The following NTF3 variants were observed in gnomAD, a reference collection of about 807,000 sequenced individuals.
NTF3 encodes neurotrophin-3.
Under a neutral mutation model 26.3 loss-of-function variants are expected in NTF3, and 8 were observed. That is an observed-to-expected ratio of 0.30 (90% CI 0.18 to 0.55). The LOEUF (loss-of-function observed/expected upper bound fraction) is 0.55, where lower values mean the gene tolerates loss of function less well. Ranked by LOEUF, NTF3 falls within the 20% of genes least tolerant of loss-of-function variation. The pLI is 0.93. For missense variants in NTF3, 276 were observed against 352.9 expected (o/e 0.78, Z 1.75); for synonymous variants, 154 against 145.5 (o/e 1.06, Z -0.42).
chr12:5,484,831 C>T (rs1940848891), intron 1 of NTF3, among the ~76,000 whole-genome samples: 2 of 152,170 alleles, frequency 1.3e-5, no homozygotes, highest in Admixed American at 6.5e-5. Flanking sequence ...AAACACTGCT[C>T]AGGAACTGAG....
chr12:5,472,656 TTTCAA>T (rs1940679451), intron 1 of NTF3, among the ~76,000 whole-genome samples: 1 of 152,078 alleles, frequency 6.6e-6, no homozygotes, highest in African/African-American at 2.4e-5. Flanking sequence ...CAAGGAGGGT[TTTCAA>T]GGCTGGCTTG....
At chr12:5,483,376 C>A (rs572107374) in intron 1 of NTF3, among the ~76,000 whole-genome samples, 20 of 152,328 alleles carry the variant, frequency 1.3e-4, no homozygotes, top group African/African-American at 4.8e-4. Context: ...CTCCCGTGTT[C>A]TTCAGGGTTC....
Position 5,456,504 on chromosome 12 carries a change from A to G in NTF3, c.18+24162A>G, listed in dbSNP as rs1940451056. ...GGGGCCAACGGCACCTAACCACCTC[A>G]GGCACGGTGGACCTGGCTCCTCAGA... is the stretch of plus-strand genomic sequence containing the variant. On this transcript the variant is annotated intron_variant, in intron 1 of 1. Coordinates refer to ENST00000423158, the MANE Select transcript of NTF3 (RefSeq NM_001102654.2). This position sits in a 1 kb window ranked among gnomAD's most constrained non-coding sequence, Gnocchi z 4.4. Among the ~76,000 whole-genome samples the G allele has an allele frequency of 6.6e-6, 1 of 152,022 alleles. No individual in the cohort carries two copies. Among genetic ancestry groups the G allele is most frequent in the Non-Finnish European group, 1.5e-5 (1 of 67,988 alleles).
Position 5,495,128 on chromosome 12 carries a change from T to C in NTF3, c.*140T>C, listed in dbSNP as rs767959581. 1.1e-5 allele frequency: 10 copies of C among 918,954 alleles called. No homozygotes were observed. The highest frequency in any genetic ancestry group is 1.7e-5 in the African/African-American group (1 of 59,620). The allele number at this position is 918,954 out of a possible 1,614,324, so 56.9% of individuals were successfully genotyped here. ...TCAGCAACCCTACAGTATATAAGCT[T>C]TTTTCTCAATAAAATCAGTGTGCTT... On this transcript the variant is annotated 3_prime_UTR_variant, in exon 2 of 2. Coordinates refer to ENST00000423158, the MANE Select transcript of NTF3 (RefSeq NM_001102654.2).
At chr12:5,457,711 T>C (rs537657790) in intron 1 of NTF3, among the ~76,000 whole-genome samples, 2 of 152,198 alleles carry the variant, frequency 1.3e-5, no homozygotes, top group African/African-American at 2.4e-5. Flanking sequence ...CTAAACTCAG[T>C]GTATGCTAAG....
At chr12:5,439,480 G>C (rs1940211622) in intron 1 of NTF3, among the ~76,000 whole-genome samples, 2 of 152,176 alleles carry the variant, frequency 1.3e-5, no homozygotes, top group African/African-American at 4.8e-5. Context: ...TCACCCCATA[G>C]GGTAACCTGC....
intron 1 of NTF3, among the ~76,000 whole-genome samples, chr12:5,488,028 C>T (rs1324618270): frequency 2.0e-5 from 3 of 152,292 alleles, no homozygotes; most frequent in Middle Eastern, 3.4e-3. Context: ...GTTGCCACTA[C>T]CCGAGAGGTG....
chr12:5,434,472 A>AGTGTGTGTGTGTGTGT (rs59874216), intron 1 of NTF3, among the ~76,000 whole-genome samples: 87 of 142,784 alleles, frequency 6.1e-4, no homozygotes, highest in African/African-American at 1.8e-3. Flanking sequence ...GTTTTTCCAA[A>AGTGTGTGTGTGTGTGT]GTGTGTGTGT....
At chr12:5,431,420 A>G (rs1025337227), upstream of NTF3, among the ~76,000 whole-genome samples, 2 of 151,648 alleles carry the variant, frequency 1.3e-5, no homozygotes, top group Non-Finnish European at 2.9e-5. Flanking sequence ...AGTCCCTCGG[A>G]CCACCCGCCC....
rs537464862 is a variant in NTF3 at position 5,452,464 on chromosome 12, C to T, written c.18+20122C>T. ...GCATAATATTCCATCACATACCACT[C>T]TTTAACCATTTTGCTTCTGGGGCAC... On this transcript the variant is annotated intron_variant, in intron 1 of 1. Coordinates refer to ENST00000423158, the MANE Select transcript of NTF3 (RefSeq NM_001102654.2). 7.9e-5 allele frequency among the ~76,000 whole-genome samples: 12 copies of T among 152,322 alleles called. No individual in the cohort carries two copies. The South Asian group carries it at 2.1e-3, about 26-fold the overall frequency.
intron 1 of NTF3, among the ~76,000 whole-genome samples, chr12:5,440,882 C>T (rs1940228368): frequency 6.6e-6 from 1 of 152,204 alleles, no homozygotes; most frequent in Non-Finnish European, 1.5e-5. Flanking sequence ...AGAGGACTTA[C>T]ATAGAGTGAT....
intron 1 of NTF3, among the ~76,000 whole-genome samples, chr12:5,464,800 G>A (rs1940568477): frequency 6.6e-6 from 1 of 152,174 alleles, no homozygotes; most frequent in Non-Finnish European, 1.5e-5. Context: ...TGAATTTATT[G>A]AGTATCCTAT....
chr12:5,457,420 C>T (rs981958704), intron 1 of NTF3, among the ~76,000 whole-genome samples: 1 of 152,208 alleles, frequency 6.6e-6, no homozygotes, highest in African/African-American at 2.4e-5. Flanking sequence ...TTGCCTGGCC[C>T]TTCCATGATG....
Position 5,432,165 on chromosome 12 carries a change from A to G in NTF3, c.-160A>G. The G allele has an allele frequency of 1.2e-6, 1 of 811,416 alleles. No homozygotes were observed. The highest frequency in any genetic ancestry group is 2.1e-6 in the Non-Finnish European group (1 of 482,652). The allele number at this position is 811,416 out of a possible 1,614,324, so 50.3% of individuals were successfully genotyped here. A position where few individuals can be genotyped will look rare whatever the true frequency, so the allele number is the denominator to read the frequency against. Reference sequence around the variant, plus strand: ...AGCTCCGCGCACCGCCCCGCGACGCAGCCCGGCGCAACTACTTTCTTCTCT... The same window carrying G: ...AGCTCCGCGCACCGCCCCGCGACGCGGCCCGGCGCAACTACTTTCTTCTCT... On this transcript the variant is annotated 5_prime_UTR_variant, in exon 1 of 2. Transcript: ENST00000423158.
chr12:5,451,191 A>G (rs768373917), intron 1 of NTF3, among the ~76,000 whole-genome samples: 1 of 152,210 alleles, frequency 6.6e-6, no homozygotes, highest in East Asian at 1.9e-4. Flanking sequence ...GAACTACCTT[A>G]TGGGATTGTA....
rs540060797 is a variant in NTF3 at position 5,490,869 on chromosome 12, A to C, written c.19-3325A>C. 1.4e-4 allele frequency among the ~76,000 whole-genome samples: 22 copies of C among 152,314 alleles called. No individual in the cohort carries two copies. The South Asian group carries it at 4.6e-3, about 32-fold the overall frequency. ...AAAGATTGCTGTGAGCCAGATGTAG[A>C]GGAGGGAGCTCTCCAGACTCTGGGT... On this transcript the variant is annotated intron_variant, in intron 1 of 1. Transcript: ENST00000423158.
chr12:5,492,004 G>A lies in NTF3; in HGVS notation c.19-2190G>A, dbSNP rs544043910. ...GCTGGGATTACAGGCATAAGCCACC[G>A]TACCCGGCCTTTCTCCTCTTCTTTA... On this transcript the variant is annotated intron_variant, in intron 1 of 1. Coordinates refer to ENST00000423158, the MANE Select transcript of NTF3 (RefSeq NM_001102654.2). 5.3e-5 allele frequency among the ~76,000 whole-genome samples: 8 copies of A among 152,018 alleles called. 1 individual carries two copies. In the South Asian group the frequency reaches 1.5e-3, roughly 28 times the overall value.
chr12:5,436,417 T>C (rs991628461), intron 1 of NTF3, among the ~76,000 whole-genome samples: 3 of 152,176 alleles, frequency 2.0e-5, no homozygotes, highest in African/African-American at 4.8e-5. Flanking sequence ...CAAGACTGGA[T>C]TGGGAATGTC....
At chr12:5,445,429 C>T (rs1940293513) in intron 1 of NTF3, among the ~76,000 whole-genome samples, 1 of 152,024 alleles carries the variant, frequency 6.6e-6, no homozygotes, top group Non-Finnish European at 1.5e-5. Context: ...TTCAAGGCCA[C>T]ATTGCTTAGC....
Sources: gnomAD v4.1 joint callset for allele counts (sites outside exome capture counted in the v4.1 genomes callset) on GRCh38, gnomAD v4.1.1 for gene constraint, Gnocchi (gnomAD v3.1) non-coding constraint, MANE v1.5 for transcripts, NCBI Gene and HGNC (gene_info 2026-07-23, HGNC 2026-07-21) for gene names.